The following PMM2 variants were observed in gnomAD, a reference collection of about 807,000 sequenced individuals.
The protein encoded by PMM2 is phosphomannomutase 2.
Under a neutral mutation model 33.2 loss-of-function variants are expected in PMM2, and 35 were observed. The ratio of observed to expected loss-of-function variants is 1.06; its 90% CI spans 0.81 to 1.40. The LOEUF (loss-of-function observed/expected upper bound fraction) is 1.40, where lower values mean the gene tolerates loss of function less well. Among genes scored for constraint, PMM2 ranks in the 40% most tolerant of loss-of-function variants. The probability of loss-of-function intolerance (pLI) is 0.00; values close to 1 mark genes in which losing one functional copy is unlikely to be tolerated. For missense variants in PMM2, 386 were observed against 306.0 expected (o/e 1.26, Z -1.95); for synonymous variants, 153 against 114.7 (o/e 1.33, Z -2.13).
rs367736835 is a variant in PMM2 at position 8,838,681 on chromosome 16, G to T, written c.640-9043G>T. 1.3e-4 allele frequency among the ~76,000 whole-genome samples: 20 copies of T among 152,136 alleles called. No homozygotes were observed. In the South Asian group the frequency reaches 4.2e-3, roughly 32 times the overall value. On this transcript the variant is annotated intron_variant, in intron 7 of 7. Coordinates refer to ENST00000268261, the MANE Select transcript of PMM2 (RefSeq NM_000303.3). ...TTTGGATGAATTGAGAAACTAAACA[G>T]AAGATCCAAGGTCCAAATAAAAGAA...
intron 7 of PMM2, among the ~76,000 whole-genome samples, chr16:8,827,890 A>ATATATTATATATATGT (rs2060784787): frequency 2.0e-5 from 1 of 50,552 alleles, no homozygotes; most frequent in African/African-American, 7.1e-5. Context: ...ATAATATATG[A>ATATATTATATATATGT]TATATATGAT....
chr16:8,820,828 T>C (rs748352036), intron 7 of PMM2, among the ~76,000 whole-genome samples: 24 of 152,192 alleles, frequency 1.6e-4, no homozygotes, highest in African/African-American at 2.9e-4. Flanking sequence ...TCATCTGTTA[T>C]TGAGATTTTC....
At chr16:8,798,621 A>G (rs955114545) in intron 1 of PMM2, among the ~76,000 whole-genome samples, 7 of 152,190 alleles carry the variant, frequency 4.6e-5, no homozygotes, top group Admixed American at 2.0e-4. Flanking sequence ...GCCCTAGGTT[A>G]TTACAGGCTG....
At chr16:8,831,974 TG>T in intron 7 of PMM2, 1 of 205,478 alleles carries the variant, frequency 4.9e-6, no homozygotes, top group Non-Finnish European at 8.6e-6. Context: ...GCTTGGGAGG[TG>T]GCTGAGTTCC....
At chr16:8,802,136 A>G (rs1189268818) in intron 2 of PMM2, 19 of 531,718 alleles carry the variant, frequency 3.6e-5, no homozygotes, top group Admixed American at 3.4e-4. Context: ...GAGTAGATTC[A>G]CCTAGAAAGG....
At chr16:8,837,281 G>A (rs2141042882) in intron 7 of PMM2, among the ~76,000 whole-genome samples, 1 of 152,128 alleles carries the variant, frequency 6.6e-6, no homozygotes, top group Non-Finnish European at 1.5e-5. Flanking sequence ...TTTAGATCTT[G>A]TAGGATGGAA....
chr16:8,835,863 T>A (rs2060842415), intron 7 of PMM2, among the ~76,000 whole-genome samples: 2 of 151,644 alleles, frequency 1.3e-5, no homozygotes, highest in South Asian at 2.1e-4. Flanking sequence ...CTTATACTTG[T>A]GGGTTAAGGT....
At chr16:8,841,176 T>C (rs11074948) in intron 7 of PMM2, among the ~76,000 whole-genome samples, 1 of 150,492 alleles carries the variant, frequency 6.6e-6, no homozygotes, top group Non-Finnish European at 1.5e-5. Context: ...GATTGAGGAC[T>C]GTAAGGGATA....
Position 8,849,275 on chromosome 16 carries a change from T to C in PMM2, c.*1450T>C, listed in dbSNP as rs1035642269. 1.3e-5 allele frequency: 2 copies of C among 152,304 alleles called. No homozygotes were observed. The highest frequency in any genetic ancestry group is 2.4e-5 in the African/African-American group (1 of 41,468). 9.4% of individuals were successfully genotyped at this position (152,304 alleles called of 1,614,324 possible). ...GGCATCTTTCCTTGTCGAATGATACTGTAATGACCTTCCAAAGTGAAGAGT... is the reference window on the plus strand; with the variant it reads ...GGCATCTTTCCTTGTCGAATGATACCGTAATGACCTTCCAAAGTGAAGAGT... On this transcript the variant is annotated 3_prime_UTR_variant, in exon 8 of 8. Coordinates refer to ENST00000268261, the MANE Select transcript of PMM2 (RefSeq NM_000303.3).
intron 7 of PMM2, among the ~76,000 whole-genome samples, chr16:8,836,182 T>C (rs145819182): frequency 4.6e-5 from 7 of 151,716 alleles, no homozygotes; most frequent in Admixed American, 6.6e-5. Context: ...TCCGTATTGA[T>C]TAAGAAGGGG....
intron 1 of PMM2, among the ~76,000 whole-genome samples, chr16:8,799,114 A>C (rs771387937): frequency 1.3e-5 from 2 of 152,166 alleles, no homozygotes; most frequent in Admixed American, 1.3e-4. Context: ...TTTGCTGACT[A>C]TGTGGTCTAT....
At chr16:8,802,511 A>G (rs1406162988) in intron 2 of PMM2, 1 of 298,340 alleles carries the variant, frequency 3.4e-6, no homozygotes. Flanking sequence ...CTCCATAGCC[A>G]CAGGGCCTCC....
intron 7 of PMM2, among the ~76,000 whole-genome samples, chr16:8,817,906 A>ATTTT (rs3034279): frequency 2.8e-5 from 4 of 142,736 alleles, no homozygotes; most frequent in Non-Finnish European, 3.0e-5. Flanking sequence ...TGCAAAGAAG[A>ATTTT]TTTTTTTTTT....
At chr16:8,802,745 G>C (rs1210683656) in intron 2 of PMM2, among the ~76,000 whole-genome samples, 1 of 151,766 alleles carries the variant, frequency 6.6e-6, no homozygotes, top group Non-Finnish European at 1.5e-5. Flanking sequence ...CAGGAGAATT[G>C]CTTGAACCCA....
At chr16:8,820,565 G>A (rs2060732667) in intron 7 of PMM2, among the ~76,000 whole-genome samples, 1 of 152,082 alleles carries the variant, frequency 6.6e-6, no homozygotes, top group African/African-American at 2.4e-5. Context: ...TCTTGGCCAG[G>A]CTGGTCTTGA....
chr16:8,832,043 G>A (rs934516498), intron 7 of PMM2: 5 of 694,082 alleles, frequency 7.2e-6, no homozygotes, highest in East Asian at 2.7e-4. Context: ...GAAATTTCCG[G>A]TTCTCTAGCC....
At chr16:8,842,331 A>C (rs1159869449) in intron 7 of PMM2, 1 of 152,328 alleles carries the variant, frequency 6.6e-6, no homozygotes, top group Non-Finnish European at 1.5e-5. Context: ...TGTTGAGAAG[A>C]TTCAAAGGAG....
intron 7 of PMM2, among the ~76,000 whole-genome samples, chr16:8,837,995 C>G (rs1234282111): frequency 6.6e-6 from 1 of 152,108 alleles, no homozygotes; most frequent in Non-Finnish European, 1.5e-5. Context: ...TGTGAAGAGA[C>G]CACCAAACAG....
At chr16:8,803,200 ATT>A (rs2060625907) in intron 2 of PMM2, among the ~76,000 whole-genome samples, 1 of 152,200 alleles carries the variant, frequency 6.6e-6, no homozygotes. Context: ...TATGGACTGT[ATT>A]TATAGGATCA....
Sources: allele counts gnomAD v4.1 joint callset (sites outside exome capture counted in the v4.1 genomes callset), GRCh38; gene constraint gnomAD v4.1.1; transcripts MANE v1.5; gene names NCBI Gene and HGNC (gene_info 2026-07-23, HGNC 2026-07-21).